GUCY1A2: variants seen among roughly 807,000 people sequenced by gnomAD.
GUCY1A2 encodes guanylate cyclase soluble subunit alpha-2.
A neutral mutation model predicts 63.5 loss-of-function variants in GUCY1A2; 27 were observed. That is an observed-to-expected ratio of 0.43 (90% CI 0.31 to 0.59). The LOEUF is 0.59. GUCY1A2 is among the 20% of genes least tolerant of loss of function. The pLI is 0.11. For synonymous variants in GUCY1A2, 364 were observed against 343.5 expected, an observed-to-expected ratio of 1.06 and a Z score of -0.66; for missense variants, 768 against 913.3, an observed-to-expected ratio of 0.84 and a Z score of 2.05.
At chr11:106,836,336 AAAAAT>A (rs1416936468) in intron 4 of GUCY1A2, among the ~76,000 whole-genome samples, 1 of 152,006 alleles carries the variant, frequency 6.6e-6, no homozygotes, top group African/African-American at 2.4e-5. Flanking sequence ...TAAGCTAGAG[AAAAAT>A]AAAATGTTAT....
In GUCY1A2 at chr11:106,679,547, T is replaced by C; in HGVS notation, c.*8002A>G. The C allele has an allele frequency of 5.0e-6, 1 of 201,912 alleles. No homozygotes were observed. The highest frequency in any genetic ancestry group is 1.0e-5 in the Non-Finnish European group (1 of 98,132). 12.5% of individuals were successfully genotyped at this position (201,912 alleles called of 1,614,324 possible). ...TAAATTTTTCAACTAAGGGAATATG[T>C]AATTTATTTAATGTCAGAACAACAA... On this transcript the variant is annotated 3_prime_UTR_variant, in exon 8 of 8. Coordinates refer to ENST00000526355, the MANE Select transcript of GUCY1A2 (RefSeq NM_000855.3).
At chr11:106,852,316 C>T (rs944946790) in intron 4 of GUCY1A2, among the ~76,000 whole-genome samples, 1 of 151,920 alleles carries the variant, frequency 6.6e-6, no homozygotes, top group African/African-American at 2.4e-5. Context: ...CTTTCTCTTT[C>T]CTGATTTCTG....
intron 4 of GUCY1A2, among the ~76,000 whole-genome samples, chr11:106,886,883 T>C (rs1207350727): frequency 6.6e-6 from 1 of 152,138 alleles, no homozygotes; most frequent in African/African-American, 2.4e-5. Context: ...AAAGTCCAAA[T>C]AATAATTCTG....
At chr11:106,987,773 C>G (rs554872130) in intron 1 of GUCY1A2, among the ~76,000 whole-genome samples, 2 of 152,052 alleles carry the variant, frequency 1.3e-5, no homozygotes, top group African/African-American at 4.8e-5. Context: ...TAACACTCTT[C>G]GAATCTTTAA....
intron 4 of GUCY1A2, among the ~76,000 whole-genome samples, chr11:106,839,339 C>G (rs1010711850): frequency 6.6e-6 from 1 of 151,920 alleles, no homozygotes; most frequent in Admixed American, 6.6e-5. Context: ...GAATGGCGAT[C>G]ATTAAAAAGT....
chr11:106,783,540 A>T (rs187981393), intron 5 of GUCY1A2, among the ~76,000 whole-genome samples: 1 of 152,108 alleles, frequency 6.6e-6, no homozygotes, highest in Non-Finnish European at 1.5e-5. Flanking sequence ...CAGCAATCTT[A>T]TCAGGTTCTG....
chr11:106,847,258 A>AT (rs199878448), intron 4 of GUCY1A2, among the ~76,000 whole-genome samples: 3,177 of 147,832 alleles, frequency 0.021, 49 homozygotes, highest in Middle Eastern at 0.049. Context: ...ATATATATAT[A>AT]AAAAATTGTG....
At chr11:106,758,911 G>C (rs1864018685) in intron 6 of GUCY1A2, among the ~76,000 whole-genome samples, 1 of 152,124 alleles carries the variant, frequency 6.6e-6, no homozygotes, top group Admixed American at 6.6e-5. Flanking sequence ...TTTGAAGAAA[G>C]AATAGTGTTG....
At chr11:106,747,934 A>T (rs1297557869) in intron 6 of GUCY1A2, among the ~76,000 whole-genome samples, 1 of 152,234 alleles carries the variant, frequency 6.6e-6, no homozygotes, top group Admixed American at 6.5e-5. Context: ...GACAAGTCTT[A>T]CAACAGCAGT....
chr11:106,936,600 G>C, intron 4 of GUCY1A2: 2 of 976,716 alleles, frequency 2.0e-6, no homozygotes, highest in Middle Eastern at 2.1e-4. Flanking sequence ...AGGAAACCAA[G>C]TGATAGAATC....
At chr11:106,941,377 A>T (rs571217365) in intron 3 of GUCY1A2, among the ~76,000 whole-genome samples, 39 of 152,308 alleles carry the variant, frequency 2.6e-4, no homozygotes, top group African/African-American at 9.4e-4. Flanking sequence ...AGGAAAAATG[A>T]GGGAATTTAT....
At chr11:106,791,114 G>C (rs1197401415) in intron 5 of GUCY1A2, among the ~76,000 whole-genome samples, 1 of 152,160 alleles carries the variant, frequency 6.6e-6, no homozygotes, top group African/African-American at 2.4e-5. Flanking sequence ...GAGCACTTTA[G>C]TCCATGGTGG....
At chr11:106,793,457 TACA>T (rs1470456388) in intron 5 of GUCY1A2, among the ~76,000 whole-genome samples, 1 of 151,950 alleles carries the variant, frequency 6.6e-6, no homozygotes, top group Non-Finnish European at 1.5e-5. Context: ...GTTTTTTGGA[TACA>T]ACAACAACAC....
At chr11:106,798,587 C>A (rs530779985) in intron 5 of GUCY1A2, among the ~76,000 whole-genome samples, 1 of 152,288 alleles carries the variant, frequency 6.6e-6, no homozygotes, top group East Asian at 1.9e-4. Flanking sequence ...GGCTTCATCC[C>A]TGGGATGCAA....
chr11:106,718,431 A>G (rs983956086), intron 6 of GUCY1A2, among the ~76,000 whole-genome samples: 2 of 152,128 alleles, frequency 1.3e-5, no homozygotes, highest in East Asian at 3.9e-4. Context: ...GGCACTGAAT[A>G]AAATGTCAGA....
intron 5 of GUCY1A2, among the ~76,000 whole-genome samples, chr11:106,782,658 T>C (rs958359245): frequency 1.4e-4 from 22 of 151,918 alleles, no homozygotes; most frequent in African/African-American, 5.3e-4. Context: ...TGGCCAAGAG[T>C]CTGAGTCCAT....
intron 1 of GUCY1A2, among the ~76,000 whole-genome samples, chr11:106,987,017 C>T (rs542963983): frequency 6.2e-4 from 94 of 152,176 alleles, no homozygotes; most frequent in African/African-American, 2.3e-3. Flanking sequence ...GATCCTAGAA[C>T]CTAGATGTTA....
At chr11:106,819,863 G>A (rs1858878537) in intron 4 of GUCY1A2, among the ~76,000 whole-genome samples, 1 of 152,100 alleles carries the variant, frequency 6.6e-6, no homozygotes. Context: ...AGAACATTAT[G>A]TAAAGTGAAA....
Position 106,687,574 on chromosome 11 carries a change from A to G in GUCY1A2, c.2174T>C (p.Met725Thr). 1 of 1,613,902 alleles carries G rather than the reference A, an allele frequency of 6.2e-7. No homozygotes were observed. The highest frequency in any genetic ancestry group is 8.5e-7 in the Non-Finnish European group (1 of 1,179,816). Residue 725 changes from methionine to threonine, a missense_variant, in exon 8 of 8, where the codon ATG becomes ACG. Transcript: ENST00000526355. ...TCAGAGGCTTGTCTCCCGGAGGAAC[A>G]TGGTGCCGATGTTGTAGGAAACCTT... ...IKKVSYNIGT[M>T]FLRETSL is the part of the protein sequence containing the mutation.
Sources: allele counts gnomAD v4.1 joint callset (sites outside exome capture counted in the v4.1 genomes callset), GRCh38; gene constraint gnomAD v4.1.1; transcripts MANE v1.5; gene names NCBI Gene and HGNC (gene_info 2026-07-23, HGNC 2026-07-21).